The following KLHDC4 variants were observed in gnomAD, a reference collection of about 807,000 sequenced individuals.
KLHDC4 encodes kelch domain containing 4, also known as kelch domain-containing protein 4.
A neutral mutation model predicts 62.4 loss-of-function variants in KLHDC4; 90 were observed. The ratio of observed to expected loss-of-function variants is 1.44; its 90% CI spans 1.22 to 1.72. The LOEUF (loss-of-function observed/expected upper bound fraction) is 1.72, where lower values mean the gene tolerates loss of function less well. Among genes scored for constraint, KLHDC4 ranks in the 40% most tolerant of loss-of-function variants. The pLI, the probability that KLHDC4 is intolerant of heterozygous loss-of-function variation, is 0.00. For synonymous variants in KLHDC4, 386 were observed against 284.4 expected, an observed-to-expected ratio of 1.36 and a Z score of -3.59; for missense variants, 1,025 against 699.7, an observed-to-expected ratio of 1.47 and a Z score of -5.25.
intron 6 of KLHDC4, 107 bp downstream of exon 6, chr16:87,730,445 T>A: frequency 1.1e-6 from 1 of 937,482 alleles, no homozygotes; most frequent in Non-Finnish European, 1.6e-6. Context: ...GAAGCTGGAT[T>A]TGGGAGGATG....
At chr16:87,716,846 G>A (rs2037097120) in intron 7 of KLHDC4, among the ~76,000 whole-genome samples, 1 of 152,144 alleles carries the variant, frequency 6.6e-6, no homozygotes, top group Non-Finnish European at 1.5e-5. Flanking sequence ...GCAGGAGAAT[G>A]GCATGAACCC....
chr16:87,702,786 C>T (rs1015545158), upstream of KLHDC4, among the ~76,000 whole-genome samples: 2 of 152,216 alleles, frequency 1.3e-5, no homozygotes, highest in African/African-American at 4.8e-5. Context: ...CCAAGTCGGC[C>T]CTGGCGCATG....
intron 8 of KLHDC4, 92 bp from the exon 9 acceptor site, chr16:87,711,535 A>G: frequency 9.3e-7 from 1 of 1,079,850 alleles, no homozygotes; most frequent in South Asian, 1.6e-5. Flanking sequence ...GGTGCCCCCC[A>G]GAATGGGGTA....
chr16:87,703,961 A>T (rs1307437313), downstream of KLHDC4, among the ~76,000 whole-genome samples: 1 of 152,228 alleles, frequency 6.6e-6, no homozygotes, highest in African/African-American at 2.4e-5. Flanking sequence ...GCCTCCACAC[A>T]ACACTCTTAC....
At chr16:87,716,635 A>G (rs1327338002) in intron 7 of KLHDC4, among the ~76,000 whole-genome samples, 2 of 152,148 alleles carry the variant, frequency 1.3e-5, no homozygotes, top group Non-Finnish European at 2.9e-5. Context: ...AGTGTTAGAA[A>G]CCAAGAAACC....
At chr16:87,712,351 G>C (rs2036062646) in intron 8 of KLHDC4, among the ~76,000 whole-genome samples, 1 of 151,966 alleles carries the variant, frequency 6.6e-6, no homozygotes, top group Non-Finnish European at 1.5e-5. Context: ...TGCCCAGTGT[G>C]GGCGTGGCTC....
At chr16:87,711,768 T>C (rs973751837) in intron 8 of KLHDC4, among the ~76,000 whole-genome samples, 13 of 151,580 alleles carry the variant, frequency 8.6e-5, no homozygotes, top group Admixed American at 8.5e-4. Context: ...GAGGGGCTTC[T>C]GTGGGGAGGC....
At position 87,726,762 on chromosome 16, in the gene KLHDC4, T is replaced by C; in HGVS notation, c.759+3A>G. 1 of 1,543,566 alleles carries C rather than the reference T, an allele frequency of 6.5e-7. No individual in the cohort carries two copies. Among genetic ancestry groups the C allele is most frequent in the Non-Finnish European group, 8.7e-7 (1 of 1,146,150 alleles). On this transcript the variant is annotated splice_donor_region_variant and intron_variant, in intron 7 of 11. Transcript: ENST00000270583. Reference sequence around the variant, plus strand: ...TTGCCTGTTTCCCCACCCCCCGCCTTACCTGTTTCGAGTAGCCCCCATAGA... The same window carrying C: ...TTGCCTGTTTCCCCACCCCCCGCCTCACCTGTTTCGAGTAGCCCCCATAGA...
At chr16:87,735,231 C>A (rs553736804) in intron 5 of KLHDC4, among the ~76,000 whole-genome samples, 1 of 149,270 alleles carries the variant, frequency 6.7e-6, no homozygotes, top group African/African-American at 2.5e-5. Context: ...ACCCGGGAGG[C>A]GGAGCTTGCA....
At chr16:87,754,082 G>C (rs567645616) in intron 4 of KLHDC4, among the ~76,000 whole-genome samples, 89 of 138,272 alleles carry the variant, frequency 6.4e-4, no homozygotes, top group Admixed American at 1.1e-3. Flanking sequence ...GGAAATTGCA[G>C]TGAGCTGATA....
In KLHDC4 at chr16:87,730,257, A is replaced by G. The variant is rs191731540; in HGVS notation, c.599+295T>C. 1.9e-3 allele frequency among the ~76,000 whole-genome samples: 284 copies of G among 152,338 alleles called. 1 individual carries two copies. Among genetic ancestry groups the G allele is most frequent in the African/African-American group, 6.5e-3 (272 of 41,588 alleles). On this transcript the variant is annotated intron_variant, in intron 6 of 11. Transcript: ENST00000270583. The stretch of plus-strand genomic sequence containing the variant: ...GCGTGAGGCACCATGCCCAGCCAAA[A>G]CCCCATTTTAGATAGAACTAGCCAC...
chr16:87,704,909 G>C (rs900129431), downstream of KLHDC4, among the ~76,000 whole-genome samples: 3 of 152,192 alleles, frequency 2.0e-5, no homozygotes, highest in Non-Finnish European at 4.4e-5. Flanking sequence ...CTCACACAGA[G>C]CATGGCGCGC....
Position 87,726,739 on chromosome 16 carries a change from GCCTGTTTCCCCACCCCCCGCCTTA to G in KLHDC4, c.759+2_759+25del. 2.1e-6 allele frequency: 3 copies of G among 1,425,622 alleles called. No individual in the cohort carries two copies. The highest frequency in any genetic ancestry group is 2.8e-6 in the Non-Finnish European group (3 of 1,084,344). The allele number at this position is 1,425,622 out of a possible 1,614,324, so 88.3% of individuals were successfully genotyped here. On this transcript the variant is annotated splice_donor_variant and splice_donor_5th_base_variant and intron_variant, in intron 7 of 11. Transcript: ENST00000270583. LOFTEE classifies it high-confidence loss of function. ...CGCCTGTTTCCCGGTCCCACGCCTTGCCTGTTTCCCCACCCCCCGCCTTACCTGTTTCGAGTAGCCCCCATAGAC... is the reference window on the plus strand; with the variant it reads ...CGCCTGTTTCCCGGTCCCACGCCTTGCCTGTTTCGAGTAGCCCCCATAGAC...
intron 7 of KLHDC4, among the ~76,000 whole-genome samples, chr16:87,720,523 G>A (rs891479600): frequency 6.6e-5 from 10 of 152,062 alleles, no homozygotes; most frequent in Non-Finnish European, 1.3e-4. Context: ...AACCACAGGT[G>A]ATGAGCCCCT....
At chr16:87,758,130 T>C (rs2045281419) in intron 2 of KLHDC4, among the ~76,000 whole-genome samples, 1 of 152,226 alleles carries the variant, frequency 6.6e-6, no homozygotes, top group South Asian at 2.1e-4. Context: ...TGGGGATTTA[T>C]TTGCATAGAA....
chr16:87,760,973 T>C (rs1189818103), intron 2 of KLHDC4, among the ~76,000 whole-genome samples: 2 of 151,148 alleles, frequency 1.3e-5, no homozygotes, highest in Middle Eastern at 3.5e-3. Flanking sequence ...GCAGAGGTTG[T>C]AGTGAGCCAA....
intron 10 of KLHDC4, among the ~76,000 whole-genome samples, chr16:87,708,742 G>T (rs2035164343): frequency 6.6e-6 from 1 of 152,176 alleles, no homozygotes; most frequent in African/African-American, 2.4e-5. Flanking sequence ...CTCCACCCCG[G>T]CTCACGGTGT....
chr16:87,708,515 G>A (rs758453797), intron 10 of KLHDC4, 49 bp from the exon 11 acceptor site: 1 of 1,450,416 alleles, frequency 6.9e-7, no homozygotes, highest in South Asian at 1.3e-5. Flanking sequence ...GCTGAGGCAG[G>A]TGGGGGAGGC....
chr16:87,741,943 G>A lies in KLHDC4; in HGVS notation c.506+6730C>T, dbSNP rs76395346. On this transcript the variant is annotated intron_variant, in intron 5 of 11. Coordinates refer to ENST00000270583, the MANE Select transcript of KLHDC4 (RefSeq NM_017566.4). The stretch of plus-strand genomic sequence containing the variant: ...CAACGCCTATTCCGTTTCCTGATGA[G>A]CTCTTCCTGGACTTCTCAAAAGACA... 3.8e-3 allele frequency among the ~76,000 whole-genome samples: 576 copies of A among 152,314 alleles called. 3 individuals are homozygous for A. Among genetic ancestry groups the A allele is most frequent in the African/African-American group, 0.013 (550 of 41,572 alleles).
Sources: gnomAD v4.1 joint callset for allele counts (sites outside exome capture counted in the v4.1 genomes callset) on GRCh38, gnomAD v4.1.1 for gene constraint, MANE v1.5 for transcripts, NCBI Gene and HGNC (gene_info 2026-07-23, HGNC 2026-07-21) for gene names.